The following PDE11A variants were observed in gnomAD, a reference collection of about 807,000 sequenced individuals.
PDE11A encodes the protein dual 3',5'-cyclic-AMP and -GMP phosphodiesterase 11A.
In PDE11A, 100 loss-of-function variants were observed where a neutral mutation model predicts 100.5. The observed-to-expected ratio is 1.00, with a 90% CI of 0.85 to 1.18. The LOEUF is 1.18. PDE11A is among the 50% of genes most tolerant of loss of function. The probability of loss-of-function intolerance (pLI) is 0.00; values close to 1 mark genes in which losing one functional copy is unlikely to be tolerated. For synonymous variants in PDE11A, 381 were observed against 420.8 expected, an observed-to-expected ratio of 0.91 and a Z score of 1.16; for missense variants, 1,141 against 1,152.6, an observed-to-expected ratio of 0.99 and a Z score of 0.15.
At chr2:177,862,493 T>C (rs934945425) in intron 5 of PDE11A, among the ~76,000 whole-genome samples, 3 of 151,816 alleles carry the variant, frequency 2.0e-5, no homozygotes, top group African/African-American at 7.2e-5. Context: ...TTGAGTAAAA[T>C]TGCAGGATAC....
At chr2:177,958,643 A>G (rs2085594559) in intron 2 of PDE11A, among the ~76,000 whole-genome samples, 1 of 152,214 alleles carries the variant, frequency 6.6e-6, no homozygotes, top group Non-Finnish European at 1.5e-5. Context: ...AGAAATGCTA[A>G]AACCTCAAGG....
intron 10 of PDE11A, among the ~76,000 whole-genome samples, chr2:177,753,472 G>C (rs138472149): frequency 0.018 from 2,811 of 152,110 alleles, 40 homozygotes; most frequent in Non-Finnish European, 0.029. Flanking sequence ...ACTGCAGCCT[G>C]TTATTCAAGG....
chr2:177,864,997 C>T (rs981345574), intron 5 of PDE11A, among the ~76,000 whole-genome samples: 2 of 152,062 alleles, frequency 1.3e-5, no homozygotes, highest in Non-Finnish European at 1.5e-5. Flanking sequence ...ACAAACAAAT[C>T]GGCCAGGCAC....
intron 4 of PDE11A, among the ~76,000 whole-genome samples, chr2:177,897,511 C>T (rs893260798): frequency 6.6e-6 from 1 of 152,172 alleles, no homozygotes. Flanking sequence ...CTGGAAGCCT[C>T]CACAGGACAA....
chr2:177,998,726 G>A (rs557084046), intron 2 of PDE11A: 511 of 953,868 alleles, frequency 5.4e-4, no homozygotes, highest in Non-Finnish European at 7.4e-4. Flanking sequence ...CCGTGGTATC[G>A]GCCATGATGC....
intron 19 of PDE11A, among the ~76,000 whole-genome samples, chr2:177,637,914 TATACAC>T (rs149236240): frequency 0.016 from 569 of 35,088 alleles, 6 homozygotes; most frequent in Non-Finnish European, 0.066. Context: ...TATATACATA[TATACAC>T]ATACATATAT....
chr2:177,722,762 G>C (rs2081549080), intron 12 of PDE11A, among the ~76,000 whole-genome samples: 2 of 152,108 alleles, frequency 1.3e-5, no homozygotes, highest in African/African-American at 4.8e-5. Context: ...GGTTACATTT[G>C]CATGAAGATT....
chr2:178,024,616 G>A (rs1281973334), intron 1 of PDE11A, among the ~76,000 whole-genome samples: 1 of 152,044 alleles, frequency 6.6e-6, no homozygotes, highest in African/African-American at 2.4e-5. Context: ...AAAAAGTTCA[G>A]TCTCATATTT....
intron 2 of PDE11A, among the ~76,000 whole-genome samples, chr2:177,981,326 C>G (rs1334460499): frequency 6.6e-6 from 1 of 150,578 alleles, no homozygotes; most frequent in African/African-American, 2.4e-5. Context: ...TATTGTCTCA[C>G]AGTTCTGGAG....
chr2:177,926,181 G>A (rs936270627), intron 2 of PDE11A, among the ~76,000 whole-genome samples: 1 of 152,142 alleles, frequency 6.6e-6, no homozygotes, highest in African/African-American at 2.4e-5. Flanking sequence ...CTCATAGATA[G>A]CCATTCTCAA....
chr2:178,104,235 G>A (rs1337429144), intron 2 of PDE11A: 1 of 1,440,922 alleles, frequency 6.9e-7, no homozygotes, highest in Non-Finnish European at 9.8e-7. Context: ...TTATTATAAT[G>A]CCAAATCATA....
chr2:177,950,192 A>G (rs2085489816), intron 2 of PDE11A, among the ~76,000 whole-genome samples: 1 of 151,816 alleles, frequency 6.6e-6, no homozygotes, highest in Non-Finnish European at 1.5e-5. Context: ...AACTCTTAAC[A>G]ATACTTTCCT....
chr2:178,095,050 CT>C (rs1035908715), intron 2 of PDE11A, among the ~76,000 whole-genome samples: 5 of 152,288 alleles, frequency 3.3e-5, no homozygotes, highest in South Asian at 2.1e-4. Context: ...CATTCCACCC[CT>C]GACCCCTTCC....
chr2:177,890,461 T>C (rs550630259), intron 4 of PDE11A, among the ~76,000 whole-genome samples: 1 of 152,330 alleles, frequency 6.6e-6, no homozygotes, highest in South Asian at 2.1e-4. Flanking sequence ...TGAAGGGAAG[T>C]AACCTCACTC....
chr2:177,838,764 A>C (rs2083443673), intron 6 of PDE11A, among the ~76,000 whole-genome samples: 2 of 152,260 alleles, frequency 1.3e-5, no homozygotes, highest in African/African-American at 2.4e-5. Flanking sequence ...AAATGTTGAC[A>C]TCTGTAAATC....
Position 177,889,966 on chromosome 2 carries a change from TTG to T in PDE11A, c.1302+8090_1302+8091del, listed in dbSNP as rs538574242. Among the ~76,000 whole-genome samples the T allele has an allele frequency of 1.1e-4, 17 of 152,214 alleles. No homozygotes were observed. In the South Asian group the frequency reaches 3.5e-3, roughly 32 times the overall value. ...ATGAGCCCCTGCTAGTGGCTCTTTG[TTG>T]TGTGTTAGTGTTTAAATGAATAATG... On this transcript the variant is annotated intron_variant, in intron 4 of 19. Coordinates refer to ENST00000286063, the MANE Select transcript of PDE11A (RefSeq NM_016953.4).
At chr2:177,927,394 ATT>A (rs2085144321) in intron 2 of PDE11A, among the ~76,000 whole-genome samples, 1 of 152,186 alleles carries the variant, frequency 6.6e-6, no homozygotes, top group Non-Finnish European at 1.5e-5. Flanking sequence ...TCCAGCACCG[ATT>A]TTGTTCTATG....
chr2:177,674,559 C>A (rs1017829571), intron 17 of PDE11A, among the ~76,000 whole-genome samples: 10 of 152,172 alleles, frequency 6.6e-5, no homozygotes, highest in African/African-American at 2.4e-4. Context: ...TTAGGGCACA[C>A]CTGGATAATC....
intron 2 of PDE11A, among the ~76,000 whole-genome samples, chr2:178,004,263 T>C (rs1415888015): frequency 1.3e-5 from 2 of 151,790 alleles, no homozygotes; most frequent in Non-Finnish European, 2.9e-5. Flanking sequence ...TAGGAAATAA[T>C]CTTATCACCA....
Sources: gnomAD v4.1 joint callset for allele counts (sites outside exome capture counted in the v4.1 genomes callset) on GRCh38, gnomAD v4.1.1 for gene constraint, MANE v1.5 for transcripts, NCBI Gene and HGNC (gene_info 2026-07-23, HGNC 2026-07-21) for gene names.